COL11A1: variants seen among roughly 807,000 people sequenced by gnomAD.
COL11A1 encodes collagen type XI alpha 1 chain.
A neutral mutation model predicts 265.2 loss-of-function variants in COL11A1; 74 were observed. The ratio of observed to expected loss-of-function variants is 0.28; its 90% CI spans 0.23 to 0.34. The LOEUF (loss-of-function observed/expected upper bound fraction) is 0.34, where lower values mean the gene tolerates loss of function less well. Ranked by LOEUF, COL11A1 falls within the 10% of genes least tolerant of loss-of-function variation. COL11A1 has a pLI of 1.00. For missense variants in COL11A1, 2,165 were observed against 2,263.6 expected (o/e 0.96, Z 0.88); for synonymous variants, 816 against 727.6 (o/e 1.12, Z -1.96).
chr1:102,954,220 G>A (rs1660152867), intron 41 of COL11A1, among the ~76,000 whole-genome samples: 1 of 152,080 alleles, frequency 6.6e-6, no homozygotes, highest in Non-Finnish European at 1.5e-5. Flanking sequence ...AAATCCTGCT[G>A]CACCTTCATC....
intron 36 of COL11A1, among the ~76,000 whole-genome samples, chr1:102,971,673 G>T (rs1661991643): frequency 6.6e-6 from 1 of 151,750 alleles, no homozygotes; most frequent in African/African-American, 2.4e-5. Flanking sequence ...TTTCCAGGTT[G>T]GCTAGTTACT....
chr1:102,892,956 A>T lies in COL11A1; in HGVS notation c.4303-2452T>A, dbSNP rs181043691. 5.3e-5 allele frequency among the ~76,000 whole-genome samples: 8 copies of T among 152,300 alleles called. No homozygotes were observed. In the East Asian group the frequency reaches 1.5e-3, roughly 29 times the overall value. ...TGAATTTAGTTACATTCTCTTTTGT[A>T]TAAGAATAAACAATCATCCTGCCCT... On this transcript the variant is annotated intron_variant, in intron 57 of 66. Coordinates refer to ENST00000370096, the MANE Select transcript of COL11A1 (RefSeq NM_001854.4).
chr1:102,921,866 T>C (rs1161256491), intron 47 of COL11A1, among the ~76,000 whole-genome samples: 2 of 152,214 alleles, frequency 1.3e-5, no homozygotes, highest in East Asian at 3.8e-4. Flanking sequence ...ACTAGATATA[T>C]TTCATGCTAG....
At chr1:102,973,846 A>C (rs940790318) in intron 36 of COL11A1, among the ~76,000 whole-genome samples, 6 of 152,224 alleles carry the variant, frequency 3.9e-5, no homozygotes, top group Non-Finnish European at 7.3e-5. Flanking sequence ...GTAAAAAGTT[A>C]AGGATTGTCT....
chr1:103,008,731 G>T (rs1357336636), intron 14 of COL11A1, among the ~76,000 whole-genome samples: 7 of 152,088 alleles, frequency 4.6e-5, no homozygotes, highest in Admixed American at 6.5e-5. Context: ...AGCAATAAAG[G>T]TCTATATTTT....
intron 42 of COL11A1, among the ~76,000 whole-genome samples, chr1:102,941,389 C>T (rs1658708051): frequency 6.6e-6 from 1 of 152,168 alleles, no homozygotes; most frequent in Non-Finnish European, 1.5e-5. Flanking sequence ...GAAAGCCAAT[C>T]AGATCATGTT....
At position 102,970,311 on chromosome 1, in the gene COL11A1, TTTAA is replaced by T. The variant is rs143935916; in HGVS notation, c.2809-43_2809-40del. 3.1e-3 allele frequency: 4,651 copies of T among 1,479,632 alleles called. 137 individuals are homozygous for T. In the African/African-American group the frequency reaches 0.058, roughly 19 times the overall value. The allele number at this position is 1,479,632 out of a possible 1,614,324, so 91.7% of individuals were successfully genotyped here. A position where few individuals can be genotyped will look rare whatever the true frequency, so the allele number is the denominator to read the frequency against. On this transcript the variant is annotated intron_variant, in intron 36 of 66. Coordinates refer to ENST00000370096, the MANE Select transcript of COL11A1 (RefSeq NM_001854.4). ...TATTAAATACCACATGTCATAAATA[TTTAA>T]TTATTTTATAGTCTAAATGTGACAT...
chr1:102,880,415 G>A (rs971139281), intron 65 of COL11A1, among the ~76,000 whole-genome samples: 1 of 151,962 alleles, frequency 6.6e-6, no homozygotes, highest in African/African-American at 2.4e-5. Flanking sequence ...TCATTTTGGG[G>A]CTATAGTCCT....
In COL11A1 at chr1:103,026,388, A is replaced by T. The variant is rs894579074; in HGVS notation, c.781-56T>A. On this transcript the variant is annotated intron_variant, in intron 5 of 66. Transcript: ENST00000370096. ...TTGTGTTAGTGGCAAAATACTATTC[A>T]CAAAGTGAGAACCATCTTAACTTTT... 13 of 1,078,836 alleles carry T rather than the reference A, an allele frequency of 1.2e-5. No homozygotes were observed. The South Asian group carries it at 1.6e-4, about 13-fold the overall frequency. The allele number at this position is 1,078,836 out of a possible 1,614,324, so 66.8% of individuals were successfully genotyped here.
At chr1:102,996,624 T>C (rs1172481728) in intron 26 of COL11A1, among the ~76,000 whole-genome samples, 2 of 151,904 alleles carry the variant, frequency 1.3e-5, no homozygotes, top group Non-Finnish European at 2.9e-5. Flanking sequence ...AAAATGATCC[T>C]ACCCCTGCTA....
In COL11A1 at chr1:102,898,853, A is replaced by T. The variant is rs1676497; in HGVS notation, c.4141-80T>A. On this transcript the variant is annotated intron_variant, in intron 55 of 66. Coordinates refer to ENST00000370096, the MANE Select transcript of COL11A1 (RefSeq NM_001854.4). The stretch of plus-strand genomic sequence containing the variant: ...TTTTATTAAATGCACTGAAAAAAGT[A>T]GATCAGTTTATGCATGAAATTTTCA... 0.079 allele frequency: 108,225 copies of T among 1,377,324 alleles called. 6,285 individuals carry two copies. The highest frequency in any genetic ancestry group is 0.28 in the African/African-American group (19,233 of 69,072). The allele number at this position is 1,377,324 out of a possible 1,614,324, so 85.3% of individuals were successfully genotyped here.
intron 15 of COL11A1, among the ~76,000 whole-genome samples, chr1:103,007,123 T>A (rs1378366304): frequency 6.6e-6 from 1 of 152,138 alleles, no homozygotes; most frequent in Non-Finnish European, 1.5e-5. Context: ...GTCTTTAACC[T>A]ATTTTTCCCC....
intron 41 of COL11A1, among the ~76,000 whole-genome samples, chr1:102,954,646 A>G (rs928544146): frequency 6.6e-6 from 1 of 152,126 alleles, no homozygotes; most frequent in African/African-American, 2.4e-5. Context: ...GAAGCCCGAG[A>G]CCAGCCTGGC....
chr1:102,971,737 G>C (rs2254082), intron 36 of COL11A1, among the ~76,000 whole-genome samples: 43,022 of 151,782 alleles, frequency 0.28, 6,443 homozygotes, highest in African/African-American at 0.38. Context: ...CTTAAGTCAT[G>C]TGTATTGACA....
chr1:102,961,440 AAT>A (rs1231952232), intron 41 of COL11A1, among the ~76,000 whole-genome samples: 1 of 152,206 alleles, frequency 6.6e-6, no homozygotes, highest in Non-Finnish European at 1.5e-5. Context: ...AAACAAATTA[AAT>A]ATGTTTTATA....
Position 103,037,037 on chromosome 1 carries a change from A to G in COL11A1, c.652-5793T>C, listed in dbSNP as rs142070181. ...AGGATCTCACTATTTTTTTTATCAA[A>G]ATCAAATTATATAAGTAATAGCATA... On this transcript the variant is annotated intron_variant, in intron 4 of 66. Coordinates refer to ENST00000370096, the MANE Select transcript of COL11A1 (RefSeq NM_001854.4). 1.2e-4 allele frequency among the ~76,000 whole-genome samples: 18 copies of G among 151,996 alleles called. No individual in the cohort carries two copies. In the East Asian group the frequency reaches 3.3e-3, roughly 28 times the overall value.
At chr1:102,970,718 C>CAAGAAGGCAA (rs1234593913) in intron 36 of COL11A1, among the ~76,000 whole-genome samples, 1 of 151,850 alleles carries the variant, frequency 6.6e-6, no homozygotes, top group Non-Finnish European at 1.5e-5. Flanking sequence ...TTCTAACTGA[C>CAAGAAGGCAA]AAGAAGGCAA....
chr1:102,879,725 A>G lies in COL11A1; in HGVS notation c.5232T>C (p.Tyr1744=), dbSNP rs1239189828. The change falls in exon 66 of 67, where the codon TAT becomes TAC. Residue 1744 remains tyrosine, a synonymous_variant. Coordinates refer to ENST00000370096, the MANE Select transcript of COL11A1 (RefSeq NM_001854.4). ...GTGTTTTGATAAAAGGATTATTGTC[A>G]TAGGACATCTCCTCATCATTTGATC... ...FLGSNDEEMS[Y]DNNPFIKTLY... is the part of the protein sequence containing the mutation. The G allele has an allele frequency of 1.2e-6, 2 of 1,613,924 alleles. No homozygotes were observed. Among genetic ancestry groups the G allele is most frequent in the Non-Finnish European group, 1.7e-6 (2 of 1,179,874 alleles).
intron 50 of COL11A1, among the ~76,000 whole-genome samples, chr1:102,915,175 G>A (rs1158755994): frequency 6.6e-6 from 1 of 152,078 alleles, no homozygotes; most frequent in Non-Finnish European, 1.5e-5. Context: ...TGGTATCCCT[G>A]GCCTTTACTA....
Sources: allele counts gnomAD v4.1 joint callset (sites outside exome capture counted in the v4.1 genomes callset), GRCh38; gene constraint gnomAD v4.1.1; transcripts MANE v1.5; gene names NCBI Gene and HGNC (gene_info 2026-07-23, HGNC 2026-07-21).